Variants in ROR1 observed in about 807,000 individuals in gnomAD.
ROR1 encodes the protein ROR family WNT receptor 1, also known as inactive tyrosine-protein kinase transmembrane receptor ROR1.
Under a neutral mutation model 78.8 loss-of-function variants are expected in ROR1, and 19 were observed. That is an observed-to-expected ratio of 0.24 (90% CI 0.17 to 0.35). The LOEUF is 0.35. ROR1 is among the 10% of genes least tolerant of loss of function. The probability of loss-of-function intolerance (pLI) is 1.00; values close to 1 mark genes in which losing one functional copy is unlikely to be tolerated. For missense variants in ROR1, 917 were observed against 1,177.8 expected (o/e 0.78, Z 3.24); for synonymous variants, 386 against 433.6 (o/e 0.89, Z 1.36).
chr1:63,796,221 A>G (rs1352886248), intron 1 of ROR1, among the ~76,000 whole-genome samples: 4 of 152,196 alleles, frequency 2.6e-5, no homozygotes, highest in Non-Finnish European at 5.9e-5. Flanking sequence ...CTGAAAGTCA[A>G]TAAACTTGAG....
chr1:63,801,639 A>G (rs1644798055), intron 1 of ROR1, among the ~76,000 whole-genome samples: 1 of 152,106 alleles, frequency 6.6e-6, no homozygotes, highest in Non-Finnish European at 1.5e-5. Context: ...CTTATATTTC[A>G]TTTTGGAGAT....
At chr1:64,004,897 G>A (rs879287635) in intron 1 of ROR1, among the ~76,000 whole-genome samples, 6 of 151,936 alleles carry the variant, frequency 3.9e-5, no homozygotes, top group Non-Finnish European at 7.4e-5. Flanking sequence ...TGATCAAATC[G>A]GGAGGAGAAT....
At chr1:64,174,141 G>T (rs1307894265) in intron 8 of ROR1, among the ~76,000 whole-genome samples, 1 of 152,084 alleles carries the variant, frequency 6.6e-6, no homozygotes, top group Non-Finnish European at 1.5e-5. Context: ...GATTTAAAGG[G>T]CACTTATTAG....
intron 4 of ROR1, among the ~76,000 whole-genome samples, chr1:64,135,558 A>G (rs897499867): frequency 6.6e-6 from 1 of 152,144 alleles, no homozygotes; most frequent in Non-Finnish European, 1.5e-5. Context: ...TAGGTTTCCA[A>G]GATCCAAGTG....
At chr1:63,786,169 C>T (rs1348202611) in intron 1 of ROR1, among the ~76,000 whole-genome samples, 1 of 148,422 alleles carries the variant, frequency 6.7e-6, no homozygotes, top group Non-Finnish European at 1.5e-5. Context: ...AAGTCCAGGA[C>T]TTAACACTGA....
At chr1:63,968,469 G>GTTT (rs56388192) in intron 1 of ROR1, among the ~76,000 whole-genome samples, 1 of 150,524 alleles carries the variant, frequency 6.6e-6, no homozygotes, top group African/African-American at 2.4e-5. Flanking sequence ...TTCTCTTTCT[G>GTTT]TTTTTTTTTA....
At chr1:63,955,055 A>C (rs1474650101) in intron 1 of ROR1, among the ~76,000 whole-genome samples, 1 of 152,136 alleles carries the variant, frequency 6.6e-6, no homozygotes, top group Non-Finnish European at 1.5e-5. Context: ...GATTAGTAAC[A>C]TATTGGGTGG....
chr1:64,152,959 TAA>T (rs763990450), intron 7 of ROR1, among the ~76,000 whole-genome samples: 2 of 152,330 alleles, frequency 1.3e-5, no homozygotes, highest in East Asian at 3.9e-4. Context: ...AAGAATGTCA[TAA>T]GTCACTTGAG....
intron 2 of ROR1, among the ~76,000 whole-genome samples, chr1:64,045,168 G>A (rs896228355): frequency 1.3e-5 from 2 of 152,058 alleles, no homozygotes; most frequent in African/African-American, 2.4e-5. Flanking sequence ...TAGTATCAAA[G>A]AAGAATATCC....
At chr1:63,999,756 G>T (rs569144487) in intron 1 of ROR1, among the ~76,000 whole-genome samples, 2 of 152,266 alleles carry the variant, frequency 1.3e-5, no homozygotes, top group East Asian at 3.9e-4. Flanking sequence ...AACTCCAAAT[G>T]AACATAAGGA....
chr1:63,830,749 A>G (rs1022079192), intron 1 of ROR1, among the ~76,000 whole-genome samples: 40 of 152,204 alleles, frequency 2.6e-4, no homozygotes, highest in African/African-American at 9.6e-4. Flanking sequence ...ACAGTCCCCC[A>G]AAGTCTTAAC....
intron 4 of ROR1, among the ~76,000 whole-genome samples, chr1:64,136,632 C>T (rs1649109485): frequency 6.6e-6 from 1 of 151,946 alleles, no homozygotes. Context: ...TTCTGGTGTC[C>T]CTCTGTCTTC....
At chr1:63,928,084 G>T (rs1318143813) in intron 1 of ROR1, among the ~76,000 whole-genome samples, 1 of 151,708 alleles carries the variant, frequency 6.6e-6, no homozygotes, top group African/African-American at 2.4e-5. Flanking sequence ...AAAACCGTTT[G>T]TCAAATGGCC....
At chr1:64,143,989 G>A (rs1649409708) in intron 7 of ROR1, among the ~76,000 whole-genome samples, 1 of 152,214 alleles carries the variant, frequency 6.6e-6, no homozygotes, top group Non-Finnish European at 1.5e-5. Context: ...AAGGAGATCA[G>A]TTGGGAAGCT....
intron 2 of ROR1, among the ~76,000 whole-genome samples, chr1:64,033,748 G>A (rs1326308645): frequency 6.6e-6 from 1 of 152,164 alleles, no homozygotes; most frequent in Non-Finnish European, 1.5e-5. Context: ...TGTACTATTT[G>A]TATTTAAAAT....
intron 1 of ROR1, among the ~76,000 whole-genome samples, chr1:63,952,257 A>G (rs1645945986): frequency 6.6e-6 from 1 of 152,086 alleles, no homozygotes. Context: ...TGGAATAGCA[A>G]ATAGAAAGGC....
At chr1:63,855,427 A>C (rs900187515) in intron 1 of ROR1, among the ~76,000 whole-genome samples, 1 of 152,192 alleles carries the variant, frequency 6.6e-6, no homozygotes, top group African/African-American at 2.4e-5. Context: ...TGGGGGCTCC[A>C]GTTACATGTA....
chr1:63,815,108 A>G (rs2819142), intron 1 of ROR1, among the ~76,000 whole-genome samples: 32,781 of 152,110 alleles, frequency 0.22, 9,751 homozygotes, highest in African/African-American at 0.67. Flanking sequence ...GTTTTTGCAA[A>G]TGCACTATGA....
chr1:63,940,304 T>A (rs2100455615), intron 1 of ROR1, among the ~76,000 whole-genome samples: 1 of 152,142 alleles, frequency 6.6e-6, no homozygotes, highest in South Asian at 2.1e-4. Flanking sequence ...ACAAACATGA[T>A]CAGTGATGTC....
Sources: gnomAD v4.1 joint callset for allele counts (sites outside exome capture counted in the v4.1 genomes callset) on GRCh38, gnomAD v4.1.1 for gene constraint, MANE v1.5 for transcripts, NCBI Gene and HGNC (gene_info 2026-07-23, HGNC 2026-07-21) for gene names.